SOCS2: variants seen among roughly 807,000 people sequenced by gnomAD.
SOCS2 encodes suppressor of cytokine signaling 2.
A neutral mutation model predicts 18.6 loss-of-function variants in SOCS2; 10 were observed. The observed-to-expected ratio is 0.54, with a 90% CI of 0.33 to 0.91. The LOEUF (loss-of-function observed/expected upper bound fraction) is 0.91. Among genes scored for constraint, SOCS2 ranks in the 40% least tolerant of loss-of-function variants. SOCS2 has a pLI of 0.02. For missense variants in SOCS2, 231 were observed against 247.2 expected (o/e 0.93, Z 0.44); for synonymous variants, 104 against 104.0 (o/e 1.00, Z 0.00).
the SOCS2 span, among the ~76,000 whole-genome samples, chr12:93,612,409 C>T: frequency 6.6e-6 from 1 of 152,042 alleles, no homozygotes; most frequent in African/African-American, 2.4e-5. Flanking sequence ...CTCCTCTACA[C>T]TGAGGACAAC....
chr12:93,574,672 T>A, intron 1 of SOCS2, 50 bp from the exon 2 acceptor site: 1 of 1,322,642 alleles, frequency 7.6e-7, no homozygotes, highest in East Asian at 2.4e-5. Flanking sequence ...AGAATTCTTA[T>A]AATAACTGTT....
chr12:93,620,084 T>A, the SOCS2 span, among the ~76,000 whole-genome samples: 1 of 152,222 alleles, frequency 6.6e-6, no homozygotes, highest in African/African-American at 2.4e-5. Flanking sequence ...TTATTGCAGG[T>A]AATCAATAAA....
the SOCS2 span, among the ~76,000 whole-genome samples, chr12:93,614,427 TTCCCTTCC>T: frequency 6.3e-4 from 49 of 78,356 alleles, 4 homozygotes; most frequent in African/African-American, 2.6e-3. Context: ...CTTCCTTTCT[TTCCCTTCC>T]TTCCTTCCTT....
downstream of SOCS2, among the ~76,000 whole-genome samples, chr12:93,587,092 CGGGA>C (rs1000777522): frequency 6.6e-6 from 1 of 151,982 alleles, no homozygotes; most frequent in African/African-American, 2.4e-5. Flanking sequence ...CACTTGAACC[CGGGA>C]GGCAGAGGTT....
At chr12:93,605,927 T>C in the SOCS2 span, among the ~76,000 whole-genome samples, 1 of 152,228 alleles carries the variant, frequency 6.6e-6, no homozygotes, top group Non-Finnish European at 1.5e-5. Flanking sequence ...TATAGTTTCA[T>C]ATGCCTGAAC....
At chr12:93,595,773 A>G in the SOCS2 span, among the ~76,000 whole-genome samples, 1 of 152,178 alleles carries the variant, frequency 6.6e-6, no homozygotes, top group Non-Finnish European at 1.5e-5. Context: ...GGAGGCATTT[A>G]ATTTGTGATT....
chr12:93,626,039 AC>A, the SOCS2 span, among the ~76,000 whole-genome samples: 2 of 152,204 alleles, frequency 1.3e-5, no homozygotes, highest in Non-Finnish European at 2.9e-5. Flanking sequence ...CAAGGTGGAC[AC>A]CACGGCAAAT....
downstream of SOCS2, among the ~76,000 whole-genome samples, chr12:93,588,237 A>G (rs1216854161): frequency 6.6e-6 from 1 of 152,252 alleles, no homozygotes; most frequent in African/African-American, 2.4e-5. Flanking sequence ...AGCATATTAC[A>G]GTTGTTGTAG....
the SOCS2 span, among the ~76,000 whole-genome samples, chr12:93,605,899 T>C: frequency 6.6e-6 from 1 of 152,224 alleles, no homozygotes; most frequent in African/African-American, 2.4e-5. Flanking sequence ...AGTACTTTAC[T>C]TCAGATATTA....
the SOCS2 span, among the ~76,000 whole-genome samples, chr12:93,604,898 C>A: frequency 6.6e-6 from 1 of 151,794 alleles, no homozygotes; most frequent in African/African-American, 2.4e-5. Context: ...TGGTTTCAAG[C>A]GATCCTCCTG....
At chr12:93,614,982 C>T in the SOCS2 span, among the ~76,000 whole-genome samples, 27 of 151,882 alleles carry the variant, frequency 1.8e-4, no homozygotes, top group African/African-American at 6.5e-4. Flanking sequence ...CATTGAGCAG[C>T]CGGCAAAGGA....
the SOCS2 span, among the ~76,000 whole-genome samples, chr12:93,596,580 C>A: frequency 6.6e-6 from 1 of 152,170 alleles, no homozygotes; most frequent in Admixed American, 6.5e-5. Flanking sequence ...GTAATCCCAG[C>A]ACTTTGGGAG....
chr12:93,619,038 A>AC, the SOCS2 span, among the ~76,000 whole-genome samples: 1 of 152,188 alleles, frequency 6.6e-6, no homozygotes, highest in Non-Finnish European at 1.5e-5. Context: ...AGGTACAGAA[A>AC]CGTGGGCAGG....
chr12:93,617,644 A>G, the SOCS2 span, among the ~76,000 whole-genome samples: 1 of 152,136 alleles, frequency 6.6e-6, no homozygotes, highest in Admixed American at 6.6e-5. Flanking sequence ...TACTCCACAT[A>G]TTTATATTTA....
At chr12:93,625,469 C>T in the SOCS2 span, among the ~76,000 whole-genome samples, 2 of 152,072 alleles carry the variant, frequency 1.3e-5, no homozygotes, top group Non-Finnish European at 1.5e-5. Context: ...TATTGAGGGC[C>T]GGGCGCGGTG....
the SOCS2 span, among the ~76,000 whole-genome samples, chr12:93,614,547 CTTT>C: frequency 3.9e-5 from 1 of 25,574 alleles, no homozygotes; most frequent in Non-Finnish European, 6.5e-5. Context: ...TTCCTTCTTT[CTTT>C]CTTTCTTTCT....
In SOCS2 at chr12:93,575,337, C is replaced by G. The variant is rs973194139; in HGVS notation, c.*158C>G. On this transcript the variant is annotated 3_prime_UTR_variant, in exon 2 of 2. Coordinates refer to ENST00000551556, the MANE Select transcript of SOCS2 (RefSeq NM_001270471.2). ...TAAATTTAACAGCTTGAAGAGGTAG[C>G]TAGGTGTTTAAAGTTCCTCCAGATA... is the stretch of plus-strand genomic sequence containing the variant. 1.8e-5 allele frequency: 9 copies of G among 504,024 alleles called. No homozygotes were observed. In the Admixed American group the frequency reaches 2.3e-4, roughly 13 times the overall value. 31.2% of individuals were successfully genotyped at this position (504,024 alleles called of 1,614,324 possible).
downstream of SOCS2, chr12:93,576,790 C>T (rs1954472253): frequency 6.6e-6 from 1 of 152,140 alleles, no homozygotes; most frequent in South Asian, 2.1e-4. Context: ...TGGTTTTGTG[C>T]CTGGCAGGAA....
At chr12:93,588,946 T>C in the SOCS2 span, among the ~76,000 whole-genome samples, 2 of 152,236 alleles carry the variant, frequency 1.3e-5, no homozygotes, top group East Asian at 1.9e-4. Flanking sequence ...TGTTGATAGA[T>C]CAGGGACATA....
Sources: allele counts gnomAD v4.1 joint callset (sites outside exome capture counted in the v4.1 genomes callset), GRCh38; gene constraint gnomAD v4.1.1; transcripts MANE v1.5; gene names NCBI Gene and HGNC (gene_info 2026-07-23, HGNC 2026-07-21).